SLC25A16: variants seen among roughly 807,000 people sequenced by gnomAD.
The protein encoded by SLC25A16 is mitochondrial coenzyme A transporter SLC25A16.
Under a neutral mutation model 41.5 loss-of-function variants are expected in SLC25A16, and 39 were observed. That is an observed-to-expected ratio of 0.94 (90% CI 0.73 to 1.23). The LOEUF (loss-of-function observed/expected upper bound fraction) is 1.23. Ranked by LOEUF, SLC25A16 falls within the 50% of genes most tolerant of loss-of-function variation. The pLI is 0.00. For synonymous variants in SLC25A16, 146 were observed against 147.8 expected, an observed-to-expected ratio of 0.99 and a Z score of 0.09; for missense variants, 421 against 426.9, an observed-to-expected ratio of 0.99 and a Z score of 0.12.
Position 68,516,746 on chromosome 10 carries a change from C to T in SLC25A16, c.223+5G>A, listed in dbSNP as rs773865065. 6.4e-7 allele frequency: 1 copy of T among 1,553,374 alleles called. No individual in the cohort carries two copies. Among genetic ancestry groups the T allele is most frequent in the Non-Finnish European group, 8.8e-7 (1 of 1,130,110 alleles). ...CATTTTTATCTTTAGCATCTATTAACTCACCTAAATGCTTGTAATGGTGAT... is the reference window on the plus strand; with the variant it reads ...CATTTTTATCTTTAGCATCTATTAATTCACCTAAATGCTTGTAATGGTGAT... On this transcript the variant is annotated splice_donor_5th_base_variant and intron_variant, in intron 2 of 8. Transcript: ENST00000609923.
chr10:68,487,893 G>A (rs906025558), intron 7 of SLC25A16, among the ~76,000 whole-genome samples: 11 of 151,496 alleles, frequency 7.3e-5, no homozygotes, highest in East Asian at 1.9e-4. Context: ...TCACTCTGTC[G>A]CCCAGGCTGG....
chr10:68,499,924 A>C (rs2052812662), intron 4 of SLC25A16: 2 of 582,660 alleles, frequency 3.4e-6, no homozygotes, highest in Non-Finnish European at 6.5e-6. Flanking sequence ...AGGAAAGGAA[A>C]AGGGCAAATA....
chr10:68,518,982 C>T (rs945470821), intron 1 of SLC25A16, among the ~76,000 whole-genome samples: 5 of 148,308 alleles, frequency 3.4e-5, no homozygotes, highest in Non-Finnish European at 7.4e-5. Context: ...CACCTGAGGT[C>T]GGGAGTTTGA....
Position 68,493,499 on chromosome 10 carries a change from C to T in SLC25A16, c.493G>A (p.Glu165Lys), listed in dbSNP as rs1158587208. ...RVRLAFQVKG[E>K]HSYTGIIHAF... The stretch of plus-strand genomic sequence containing the variant: ...TGAATAATTCCTGTATAGCTGTGTT[C>T]CCCTTTCACCTGGAATGCTAGGCGG... The change falls in exon 5 of 9, where the codon GAA (glutamate) becomes AAA (lysine). Residue 165 changes from glutamate to lysine, a missense_variant. Glu to Lys is a moderately conservative substitution (Grantham distance 56). Coordinates refer to ENST00000609923, the MANE Select transcript of SLC25A16 (RefSeq NM_152707.4). 1 of 1,613,030 alleles carries T rather than the reference C, an allele frequency of 6.2e-7. No individual in the cohort carries two copies. The highest frequency in any genetic ancestry group is 1.7e-5 in the Admixed American group (1 of 59,972).
intron 2 of SLC25A16, 57 bp downstream of exon 2, chr10:68,516,694 T>C: frequency 7.9e-7 from 1 of 1,262,014 alleles, no homozygotes; most frequent in Non-Finnish European, 1.1e-6. Context: ...ATTCCCTTTT[T>C]TGCCCACTTT....
chr10:68,489,899 C>CAAAAAAAA (rs71019017), intron 6 of SLC25A16, among the ~76,000 whole-genome samples: 1 of 84,060 alleles, frequency 1.2e-5, no homozygotes. Flanking sequence ...GACTCTGTCT[C>CAAAAAAAA]AAAAAAAAAA....
rs757460265 is a variant in SLC25A16 at position 68,516,768 on chromosome 10, T to C, written c.206A>G (p.His69Arg). ...TAACTCACCTAAATGCTTGTAATGG[T>C]GATTGTGAGCTTGTAATAAAACCTT... ...RVKVLLQAHN[H>R]HYKHLGVFSA... The change falls in exon 2 of 9, where the codon CAC (histidine) becomes CGC (arginine). Residue 69 changes from histidine (H) to arginine (R), a missense_variant. His to Arg is a conservative substitution (Grantham distance 29). Coordinates refer to ENST00000609923, the MANE Select transcript of SLC25A16 (RefSeq NM_152707.4). 6.2e-7 allele frequency: 1 copy of C among 1,609,030 alleles called. No individual in the cohort carries two copies. The highest frequency in any genetic ancestry group is 8.5e-7 in the Non-Finnish European group (1 of 1,176,090).
intron 4 of SLC25A16, among the ~76,000 whole-genome samples, chr10:68,502,351 G>GA: frequency 6.6e-6 from 1 of 152,116 alleles, no homozygotes; most frequent in Non-Finnish European, 1.5e-5. Flanking sequence ...TCTCTATAGG[G>GA]AAAAAAATCT....
chr10:68,518,418 A>T (rs1047451847), intron 1 of SLC25A16, among the ~76,000 whole-genome samples: 3 of 152,106 alleles, frequency 2.0e-5, no homozygotes, highest in Non-Finnish European at 4.4e-5. Flanking sequence ...TGTCTTAAAA[A>T]AAGAAAAAAA....
At chr10:68,510,615 C>T (rs1243918933) in intron 2 of SLC25A16, among the ~76,000 whole-genome samples, 10 of 152,000 alleles carry the variant, frequency 6.6e-5, no homozygotes, top group African/African-American at 1.4e-4. Context: ...CCGAAGCAGG[C>T]GGATCACCAG....
intron 8 of SLC25A16, among the ~76,000 whole-genome samples, chr10:68,486,128 G>A (rs2052555956): frequency 1.3e-5 from 2 of 148,742 alleles, no homozygotes; most frequent in Admixed American, 6.7e-5. Context: ...TGAGGCAGGA[G>A]AATCGCTTGA....
Position 68,482,189 on chromosome 10 carries a change from A to G in SLC25A16, c.*1243T>C, listed in dbSNP as rs1318924636. 1 of 151,136 alleles carries G rather than the reference A, an allele frequency of 6.6e-6. No homozygotes were observed. The highest frequency in any genetic ancestry group is 6.7e-5 in the Admixed American group (1 of 15,024). 9.4% of individuals were successfully genotyped at this position (151,136 alleles called of 1,614,324 possible). On this transcript the variant is annotated 3_prime_UTR_variant, in exon 9 of 9. Coordinates refer to ENST00000609923, the MANE Select transcript of SLC25A16 (RefSeq NM_152707.4). ...AGCTGAGATCGCGCCACTGCACTCC[A>G]GCCTGGGCGATAGAGCGAGACTCCA...
chr10:68,501,165 C>T (rs1158897666), intron 4 of SLC25A16, among the ~76,000 whole-genome samples: 13 of 151,674 alleles, frequency 8.6e-5, no homozygotes, highest in African/African-American at 2.9e-4. Flanking sequence ...ACTGGAGAAT[C>T]GCTTGAACCC....
chr10:68,519,629 T>G (rs1159365411), intron 1 of SLC25A16, among the ~76,000 whole-genome samples: 1 of 151,188 alleles, frequency 6.6e-6, no homozygotes, highest in African/African-American at 2.4e-5. Flanking sequence ...TAATGAATTA[T>G]TTAGGCCAGG....
intron 2 of SLC25A16, among the ~76,000 whole-genome samples, chr10:68,511,236 C>T (rs1033090805): frequency 2.0e-5 from 3 of 151,976 alleles, no homozygotes; most frequent in African/African-American, 2.4e-5. Context: ...AGTGAAACTC[C>T]GTCTCAAAAA....
At chr10:68,486,149 G>C (rs11815774) in intron 8 of SLC25A16, among the ~76,000 whole-genome samples, 31,081 of 147,856 alleles carry the variant, frequency 0.21, 4,056 homozygotes, top group African/African-American at 0.35. Context: ...ACCCGGAAGG[G>C]GGAGGTTGCA....
chr10:68,483,668 T>G (rs1210780349), intron 8 of SLC25A16, 80 bp from the exon 9 acceptor site: 1 of 1,251,036 alleles, frequency 8.0e-7, no homozygotes, highest in Admixed American at 2.5e-5. Context: ...TCAATTTTGT[T>G]TTTTTGAGAT....
intron 4 of SLC25A16, chr10:68,496,659 C>T (rs570448854): frequency 1.0e-6 from 1 of 975,204 alleles, no homozygotes; most frequent in South Asian, 4.7e-5. Context: ...TCTCTAAATT[C>T]TCATCATCTT....
rs1390245876 is a variant in SLC25A16 at position 68,506,718 on chromosome 10, C to T, written c.224G>A (p.Gly75Glu). 14 of 1,557,032 alleles carry T rather than the reference C, an allele frequency of 9.0e-6. No homozygotes were observed. The highest frequency in any genetic ancestry group is 1.2e-5 in the South Asian group (1 of 82,386). The change falls in exon 3 of 9, where the codon GGA becomes GAA. Residue 75 changes from glycine to glutamate, a missense_variant and splice_region_variant. By Grantham distance (98) the Gly-to-Glu change is moderately conservative (BLOSUM62 -2). Transcript: ENST00000609923. ...AACAGCACGCAATGCAGAAAATACT[C>T]CTATTTTTAGAGGAAAAATGCTGTT... ...QAHNHHYKHL[G>E]VFSALRAVPQ...
Sources: allele counts gnomAD v4.1 joint callset (sites outside exome capture counted in the v4.1 genomes callset), GRCh38; gene constraint gnomAD v4.1.1; transcripts MANE v1.5; gene names NCBI Gene and HGNC (gene_info 2026-07-23, HGNC 2026-07-21).